The following NEO1 variants were observed in gnomAD, a reference collection of about 807,000 sequenced individuals.
NEO1 encodes the protein neogenin.
NEO1 carries 63 observed loss-of-function variants against 159.7 expected under a neutral mutation model. That is an observed-to-expected ratio of 0.39 (90% CI 0.32 to 0.49). NEO1 has a LOEUF of 0.49. Ranked by LOEUF, NEO1 falls within the 20% of genes least tolerant of loss-of-function variation. NEO1 has a pLI of 0.85. For synonymous variants in NEO1, 633 were observed against 662.0 expected (o/e 0.96, Z 0.67); for missense variants, 1,615 against 1,831.0 (o/e 0.88, Z 2.15).
intron 5 of NEO1, among the ~76,000 whole-genome samples, chr15:73,163,999 G>A (rs2034377131): frequency 6.8e-6 from 1 of 147,766 alleles, no homozygotes; most frequent in East Asian, 2.0e-4. Flanking sequence ...TCCCGTATTT[G>A]TATTTTGTTT....
At chr15:73,255,073 C>T (rs1040804680) in intron 13 of NEO1, among the ~76,000 whole-genome samples, 1 of 152,092 alleles carries the variant, frequency 6.6e-6, no homozygotes, top group Non-Finnish European at 1.5e-5. Context: ...TTTCTGCATT[C>T]TCCATGTTTT....
chr15:73,160,390 A>G (rs1383205378), intron 5 of NEO1, among the ~76,000 whole-genome samples: 2 of 152,162 alleles, frequency 1.3e-5, no homozygotes, highest in African/African-American at 4.8e-5. Flanking sequence ...AGTACTACTT[A>G]CTAAATACCG....
intron 14 of NEO1, 155 bp downstream of exon 14, chr15:73,259,031 C>G (rs2040495757): frequency 3.3e-6 from 2 of 613,514 alleles, no homozygotes; most frequent in South Asian, 3.9e-5. Context: ...ATCGAGGCTG[C>G]TGGAATGGAT....
chr15:73,197,719 C>T (rs1229032287), intron 7 of NEO1, among the ~76,000 whole-genome samples: 1 of 137,784 alleles, frequency 7.3e-6, no homozygotes, highest in Admixed American at 7.8e-5. Context: ...CTCATTCTGT[C>T]ACCCAGGCTG....
intron 1 of NEO1, among the ~76,000 whole-genome samples, chr15:73,095,218 A>C (rs1156704876): frequency 1.3e-5 from 2 of 152,186 alleles, no homozygotes; most frequent in Non-Finnish European, 2.9e-5. Context: ...AAAAAAAAAA[A>C]AAAAACTTAA....
At chr15:73,227,046 A>G (rs140335189) in intron 7 of NEO1, among the ~76,000 whole-genome samples, 1 of 152,330 alleles carries the variant, frequency 6.6e-6, no homozygotes, top group East Asian at 1.9e-4. Context: ...AAATACATGT[A>G]TTGGTTAAAC....
At chr15:73,261,894 G>C (rs1417352240) in intron 15 of NEO1, among the ~76,000 whole-genome samples, 1 of 152,098 alleles carries the variant, frequency 6.6e-6, no homozygotes, top group Non-Finnish European at 1.5e-5. Context: ...TCTTATAATT[G>C]AGACATAGTG....
chr15:73,207,053 T>C (rs2037279689), intron 7 of NEO1, among the ~76,000 whole-genome samples: 2 of 152,156 alleles, frequency 1.3e-5, no homozygotes, highest in Non-Finnish European at 2.9e-5. Context: ...GTTGTTTCTG[T>C]AATTTTAAGA....
intron 5 of NEO1, among the ~76,000 whole-genome samples, chr15:73,170,164 A>G (rs536554205): frequency 1.3e-5 from 2 of 152,302 alleles, no homozygotes; most frequent in Non-Finnish European, 2.9e-5. Context: ...TAATTGGACT[A>G]TAATGTACCT....
At chr15:73,083,915 A>G (rs1463326206) in intron 1 of NEO1, among the ~76,000 whole-genome samples, 1 of 152,174 alleles carries the variant, frequency 6.6e-6, no homozygotes, top group African/African-American at 2.4e-5. Flanking sequence ...TTAGCTTCCC[A>G]AAACACTGGG....
chr15:73,153,377 A>G (rs1358425358), intron 5 of NEO1, among the ~76,000 whole-genome samples: 3 of 152,196 alleles, frequency 2.0e-5, no homozygotes, highest in African/African-American at 7.2e-5. Flanking sequence ...TCTAATTACA[A>G]ATAGTTTAAA....
chr15:73,193,759 G>A (rs2036368427), intron 7 of NEO1, among the ~76,000 whole-genome samples: 1 of 151,332 alleles, frequency 6.6e-6, no homozygotes, highest in African/African-American at 2.4e-5. Context: ...TAAAGATTTT[G>A]GATTATGAAT....
intron 5 of NEO1, among the ~76,000 whole-genome samples, chr15:73,158,890 A>G (rs1354120906): frequency 6.6e-6 from 1 of 152,182 alleles, no homozygotes; most frequent in Non-Finnish European, 1.5e-5. Flanking sequence ...GTAACAAGCA[A>G]TCTTAGAGAT....
rs138838695 is a variant in NEO1 at position 73,139,147 on chromosome 15, A to G, written c.1015+3120A>G. ...TCCTTATCTCATATATGTAAATCAC[A>G]TATACACCATACACAAAAATCAACC... On this transcript the variant is annotated intron_variant, in intron 5 of 28. Coordinates refer to ENST00000261908, the MANE Select transcript of NEO1 (RefSeq NM_002499.4). Among the ~76,000 whole-genome samples the G allele has an allele frequency of 4.4e-3, 677 of 152,316 alleles. 5 individuals carry two copies. The highest frequency in any genetic ancestry group is 0.016 in the African/African-American group (650 of 41,558).
rs777723535 is a variant in NEO1, at chr15:73,273,937, A to G, written c.3092A>G (p.Lys1031Arg). ...ELTLDTPYYF[K>R]IQARNSKGMG... ...ACTCTTGACACACCATACTACTTCAAAATCCAGGCACGGAACTCAAAGGGC... is the reference window on the plus strand; with the variant it reads ...ACTCTTGACACACCATACTACTTCAGAATCCAGGCACGGAACTCAAAGGGC... The change falls in exon 20 of 29, where the codon AAA becomes AGA. Residue 1031 changes from lysine to arginine, a missense_variant. Lys to Arg is a conservative substitution (Grantham distance 26, BLOSUM62 2). Coordinates refer to ENST00000261908, the MANE Select transcript of NEO1 (RefSeq NM_002499.4). 1.6e-4 allele frequency: 258 copies of G among 1,614,032 alleles called. No homozygotes were observed. The highest frequency in any genetic ancestry group is 2.1e-4 in the Non-Finnish European group (243 of 1,180,024).
chr15:73,252,117 C>A (rs766515640), intron 11 of NEO1, among the ~76,000 whole-genome samples: 1 of 152,202 alleles, frequency 6.6e-6, no homozygotes, highest in Non-Finnish European at 1.5e-5. Flanking sequence ...AGGCACTTTG[C>A]TAGGCACAAG....
chr15:73,253,555 G>T, intron 12 of NEO1, 106 bp downstream of exon 12: 1 of 688,464 alleles, frequency 1.5e-6, no homozygotes. Flanking sequence ...ATAAATGAAT[G>T]GCGATGTGGT....
At chr15:73,131,260 C>G (rs2031086867) in intron 4 of NEO1, among the ~76,000 whole-genome samples, 1 of 152,150 alleles carries the variant, frequency 6.6e-6, no homozygotes, top group African/African-American at 2.4e-5. Flanking sequence ...AATTACCTGA[C>G]AAAGATTGTA....
At chr15:73,289,261 C>T (rs777530442) in intron 25 of NEO1, 23 bp downstream of exon 25, 1 of 1,592,798 alleles carries the variant, frequency 6.3e-7, no homozygotes, top group East Asian at 2.2e-5. Flanking sequence ...ATCTCTTTTC[C>T]TCAGTGCTAC....
Sources: allele counts gnomAD v4.1 joint callset (sites outside exome capture counted in the v4.1 genomes callset), GRCh38; gene constraint gnomAD v4.1.1; transcripts MANE v1.5; gene names NCBI Gene and HGNC (gene_info 2026-07-23, HGNC 2026-07-21).